Variants in MACROD2 observed in about 807,000 individuals in gnomAD.
MACROD2 encodes mono-ADP ribosylhydrolase 2, also known as ADP-ribose glycohydrolase MACROD2.
MACROD2 carries 36 observed loss-of-function variants against 70.4 expected under a neutral mutation model. The observed-to-expected ratio is 0.51, with a 90% CI of 0.39 to 0.68. The LOEUF (loss-of-function observed/expected upper bound fraction) is 0.68. MACROD2 is among the 30% of genes least tolerant of loss of function. MACROD2 has a pLI of 0.00. For missense variants in MACROD2, 496 were observed against 538.4 expected, an observed-to-expected ratio of 0.92 and a Z score of 0.78; for synonymous variants, 172 against 178.8, an observed-to-expected ratio of 0.96 and a Z score of 0.30.
intron 5 of MACROD2, among the ~76,000 whole-genome samples, chr20:14,901,679 C>T (rs2073896135): frequency 6.6e-6 from 1 of 152,106 alleles, no homozygotes; most frequent in South Asian, 2.1e-4. Flanking sequence ...CTATTTAAAA[C>T]ACTGCCAAAA....
chr20:14,185,179 T>C (rs1394652895), intron 3 of MACROD2, among the ~76,000 whole-genome samples: 1 of 152,132 alleles, frequency 6.6e-6, no homozygotes, highest in East Asian at 1.9e-4. Context: ...CCCCTTTTTA[T>C]GAGGGAGACC....
At chr20:14,057,548 A>G (rs1441208465) in intron 2 of MACROD2, among the ~76,000 whole-genome samples, 1 of 152,160 alleles carries the variant, frequency 6.6e-6, no homozygotes, top group East Asian at 1.9e-4. Flanking sequence ...ATTAGCAGAA[A>G]GTGGAGAGCG....
rs138366676 is a variant in MACROD2 at position 15,897,440 on chromosome 20, C to T, written c.775+11629C>T. Among the ~76,000 whole-genome samples, 410 of 152,172 alleles carry T rather than the reference C, an allele frequency of 2.7e-3. 1 individual carries two copies. Among genetic ancestry groups the T allele is most frequent in the African/African-American group, 9.5e-3 (394 of 41,536 alleles). The stretch of plus-strand genomic sequence containing the variant: ...TGTACTTCTTGGATCTCGGAATGGG[C>T]ATCTTTCATTAGTTCTGAAAAATTC... On this transcript the variant is annotated intron_variant, in intron 10 of 17. Transcript: ENST00000684519.
intron 8 of MACROD2, among the ~76,000 whole-genome samples, chr20:15,809,561 G>A (rs1057514553): frequency 6.6e-6 from 1 of 152,132 alleles, no homozygotes; most frequent in Non-Finnish European, 1.5e-5. Flanking sequence ...GTGGGGAGGT[G>A]CCAGGCTCTT....
chr20:15,490,843 G>A (rs2047223224), intron 7 of MACROD2, among the ~76,000 whole-genome samples: 1 of 152,182 alleles, frequency 6.6e-6, no homozygotes, highest in African/African-American at 2.4e-5. Flanking sequence ...GAAGCAAGGA[G>A]CCAGCAAGTC....
intron 5 of MACROD2, among the ~76,000 whole-genome samples, chr20:14,724,633 A>C (rs1474045701): frequency 6.6e-6 from 1 of 152,188 alleles, no homozygotes; most frequent in Non-Finnish European, 1.5e-5. Flanking sequence ...AAGAGCATTC[A>C]AGCAAAGGAA....
At chr20:14,486,719 A>G (rs534909909) in intron 3 of MACROD2, among the ~76,000 whole-genome samples, 19 of 151,898 alleles carry the variant, frequency 1.3e-4, no homozygotes, top group South Asian at 4.2e-4. Flanking sequence ...GGGTTTCACC[A>G]TGTTAGCCAG....
At chr20:15,654,060 T>C (rs930725781) in intron 8 of MACROD2, among the ~76,000 whole-genome samples, 1 of 152,166 alleles carries the variant, frequency 6.6e-6, no homozygotes, top group African/African-American at 2.4e-5. Context: ...CTTGCGCTTT[T>C]CATGGTTGAC....
At position 14,250,211 on chromosome 20, in the gene MACROD2, C is replaced by T. The variant is rs74743631; in HGVS notation, c.271+164483C>T. ...GGACCTCCTCTGGGCTGTATGTGGG[C>T]GCAGTTGAGAGGATGTACTGTCCCA... is the stretch of plus-strand genomic sequence containing the variant. On this transcript the variant is annotated intron_variant, in intron 3 of 17. Transcript: ENST00000684519. Among the ~76,000 whole-genome samples the T allele has an allele frequency of 3.2e-3, 481 of 151,812 alleles. 12 individuals carry two copies. The East Asian group carries it at 0.079, about 25-fold the overall frequency.
chr20:14,577,519 C>T (rs1980677034), intron 4 of MACROD2, among the ~76,000 whole-genome samples: 1 of 152,126 alleles, frequency 6.6e-6, no homozygotes, highest in Non-Finnish European at 1.5e-5. Flanking sequence ...TGGCTCACGC[C>T]TGTGATCCCA....
chr20:15,585,572 C>G (rs138806247), intron 8 of MACROD2, among the ~76,000 whole-genome samples: 76 of 152,274 alleles, frequency 5.0e-4, no homozygotes, highest in Non-Finnish European at 9.0e-4. Flanking sequence ...AGGAGCATCA[C>G]TCATCCAGTG....
intron 6 of MACROD2, among the ~76,000 whole-genome samples, chr20:15,344,191 T>C (rs894805789): frequency 6.6e-6 from 1 of 152,192 alleles, no homozygotes; most frequent in African/African-American, 2.4e-5. Flanking sequence ...CTTTTATTTC[T>C]TATCTTTCTC....
intron 8 of MACROD2, among the ~76,000 whole-genome samples, chr20:15,737,670 A>T (rs530603379): frequency 2.0e-5 from 3 of 152,248 alleles, no homozygotes; most frequent in Non-Finnish European, 1.5e-5. Context: ...CTAATTCATT[A>T]AGAAAGTAAA....
At chr20:15,492,401 G>C (rs994280499) in intron 7 of MACROD2, among the ~76,000 whole-genome samples, 4 of 152,118 alleles carry the variant, frequency 2.6e-5, no homozygotes, top group Non-Finnish European at 5.9e-5. Flanking sequence ...GTGTGCGTGT[G>C]TGTGTGTTCA....
chr20:15,488,065 G>A (rs892570693), intron 7 of MACROD2, among the ~76,000 whole-genome samples: 1 of 152,072 alleles, frequency 6.6e-6, no homozygotes, highest in Non-Finnish European at 1.5e-5. Flanking sequence ...CCCTGAAAGG[G>A]GTCCTTCAGT....
chr20:14,809,367 A>G (rs938107356), intron 5 of MACROD2, among the ~76,000 whole-genome samples: 1 of 152,244 alleles, frequency 6.6e-6, no homozygotes, highest in East Asian at 1.9e-4. Context: ...GCAGAAATAA[A>G]TAAGTTCTTT....
At chr20:16,010,637 G>A (rs2066851001) in intron 15 of MACROD2, among the ~76,000 whole-genome samples, 2 of 152,284 alleles carry the variant, frequency 1.3e-5, no homozygotes, top group South Asian at 4.1e-4. Flanking sequence ...GCCCTCATAA[G>A]ACCTCCAAGG....
intron 2 of MACROD2, among the ~76,000 whole-genome samples, chr20:14,034,781 A>G (rs994459384): frequency 3.9e-5 from 6 of 152,234 alleles, no homozygotes; most frequent in Admixed American, 1.3e-4. Context: ...GTTTCCTCAC[A>G]TCATTTGCTC....
At chr20:15,635,713 C>T (rs1435806118) in intron 8 of MACROD2, among the ~76,000 whole-genome samples, 1 of 152,142 alleles carries the variant, frequency 6.6e-6, no homozygotes, top group Admixed American at 6.5e-5. Context: ...AAACCTGTGC[C>T]TGTGCCTCCT....
Sources: allele counts gnomAD v4.1 joint callset (sites outside exome capture counted in the v4.1 genomes callset), GRCh38; gene constraint gnomAD v4.1.1; transcripts MANE v1.5; gene names NCBI Gene and HGNC (gene_info 2026-07-23, HGNC 2026-07-21).